ARK2N: variants seen among roughly 807,000 people sequenced by gnomAD.
The protein encoded by ARK2N is protein ARK2N.
the ARK2N span, among the ~76,000 whole-genome samples, chr18:46,185,265 A>G: frequency 6.6e-6 from 1 of 152,192 alleles, no homozygotes; most frequent in Non-Finnish European, 1.5e-5. Context: ...CTGAGGGAGT[A>G]AGTAAAAACA....
At chr18:46,220,406 T>C in the ARK2N span, among the ~76,000 whole-genome samples, 4 of 152,232 alleles carry the variant, frequency 2.6e-5, no homozygotes, top group Non-Finnish European at 4.4e-5. Flanking sequence ...ATAGTTTTTT[T>C]CTCTGGTAGA....
At chr18:46,251,862 C>G in the ARK2N span, among the ~76,000 whole-genome samples, 1 of 152,076 alleles carries the variant, frequency 6.6e-6, no homozygotes, top group African/African-American at 2.4e-5. Context: ...CTGTAGCTTC[C>G]AAAAGGTTTA....
At chr18:46,219,904 G>T in the ARK2N span, among the ~76,000 whole-genome samples, 1 of 152,312 alleles carries the variant, frequency 6.6e-6, no homozygotes, top group Admixed American at 6.5e-5. Context: ...TATAAAATCT[G>T]TAGTTGGAGG....
chr18:46,264,996 A>G, the ARK2N span: 1 of 152,570 alleles, frequency 6.6e-6, no homozygotes, highest in East Asian at 1.9e-4. Context: ...TCACATGGCC[A>G]CAATTCTAGA....
the ARK2N span, chr18:46,216,138 G>A: frequency 6.8e-6 from 11 of 1,614,086 alleles, no homozygotes; most frequent in South Asian, 8.8e-5. The surrounding 1 kb of genome is among the most constrained non-coding windows in gnomAD (Gnocchi z 4.3). Flanking sequence ...GAGTTTATGA[G>A]AGTGACTCCT....
chr18:46,262,392 C>T, the ARK2N span, among the ~76,000 whole-genome samples: 767 of 152,250 alleles, frequency 5.0e-3, 8 homozygotes, highest in African/African-American at 0.017. Flanking sequence ...ACCTTCAGGA[C>T]AAGGGAAATT....
the ARK2N span, among the ~76,000 whole-genome samples, chr18:46,190,308 T>C: frequency 6.6e-6 from 1 of 151,840 alleles, no homozygotes; most frequent in African/African-American, 2.4e-5. Flanking sequence ...TCACATGAAG[T>C]CGGGGATTCA....
At chr18:46,237,735 G>A in the ARK2N span, among the ~76,000 whole-genome samples, 1 of 152,108 alleles carries the variant, frequency 6.6e-6, no homozygotes, top group Non-Finnish European at 1.5e-5. Context: ...CCTAATGATA[G>A]TGTAAAATGA....
At chr18:46,255,424 TC>T in the ARK2N span, among the ~76,000 whole-genome samples, 2 of 146,426 alleles carry the variant, frequency 1.4e-5, no homozygotes, top group Admixed American at 6.9e-5. Context: ...TCTTTTCTTT[TC>T]TTTGCTTTTC....
chr18:46,250,000 G>T, the ARK2N span, among the ~76,000 whole-genome samples: 1 of 145,474 alleles, frequency 6.9e-6, no homozygotes, highest in African/African-American at 2.6e-5. Flanking sequence ...CGCCCCCCTC[G>T]CCCCACCCCA....
At chr18:46,261,051 ACT>A in the ARK2N span, among the ~76,000 whole-genome samples, 1 of 151,990 alleles carries the variant, frequency 6.6e-6, no homozygotes, top group African/African-American at 2.4e-5. Context: ...GATTACATTG[ACT>A]CTCTTTGCCA....
At chr18:46,201,171 T>C in the ARK2N span, among the ~76,000 whole-genome samples, 14 of 152,034 alleles carry the variant, frequency 9.2e-5, no homozygotes, top group African/African-American at 3.1e-4. Context: ...TTTGTAGATA[T>C]AGGATCTCCT....
the ARK2N span, chr18:46,262,935 T>G: frequency 6.2e-7 from 1 of 1,614,024 alleles, no homozygotes; most frequent in Non-Finnish European, 8.5e-7. Flanking sequence ...GCAGGTGTGT[T>G]CATCCTCGAG....
the ARK2N span, among the ~76,000 whole-genome samples, chr18:46,249,199 A>G: frequency 6.6e-6 from 1 of 152,040 alleles, no homozygotes; most frequent in African/African-American, 2.4e-5. Flanking sequence ...AGCGCTTCCC[A>G]GAAACTCCCC....
chr18:46,187,580 G>T, the ARK2N span, among the ~76,000 whole-genome samples: 4 of 152,098 alleles, frequency 2.6e-5, no homozygotes, highest in Admixed American at 2.6e-4. Flanking sequence ...TACCTCAGGT[G>T]ATCCGACCGC....
chr18:46,259,578 T>G, the ARK2N span, among the ~76,000 whole-genome samples: 1 of 151,646 alleles, frequency 6.6e-6, no homozygotes, highest in Non-Finnish European at 1.5e-5. Context: ...CTCCCCCTTT[T>G]CTTTTCCCCG....
At chr18:46,209,686 C>T in the ARK2N span, among the ~76,000 whole-genome samples, 1 of 152,142 alleles carries the variant, frequency 6.6e-6, no homozygotes, top group Non-Finnish European at 1.5e-5. Context: ...ACCTCTGCCT[C>T]CCGGGTTCAA....
the ARK2N span, among the ~76,000 whole-genome samples, chr18:46,206,092 C>CT: frequency 0.017 from 2,497 of 148,040 alleles, 24 homozygotes; most frequent in African/African-American, 0.024. Context: ...TACCACCAAA[C>CT]TTTTTTTTTT....
the ARK2N span, among the ~76,000 whole-genome samples, chr18:46,245,399 A>G: frequency 6.6e-6 from 1 of 151,738 alleles, no homozygotes; most frequent in Non-Finnish European, 1.5e-5. Context: ...AACCCCATCT[A>G]TACTAAAAAA....
Sources: allele counts gnomAD v4.1 joint callset (sites outside exome capture counted in the v4.1 genomes callset), GRCh38; gene constraint gnomAD v4.1.1; non-coding constraint Gnocchi (gnomAD v3.1); transcripts MANE v1.5; gene names NCBI Gene and HGNC (gene_info 2026-07-23, HGNC 2026-07-21).